Variants in KIF23 observed in about 807,000 individuals in gnomAD.
The protein encoded by KIF23 is kinesin family member 23.
In KIF23, 30 loss-of-function variants were observed where a neutral mutation model predicts 137.5. The observed-to-expected ratio is 0.22, with a 90% CI of 0.16 to 0.30. The LOEUF (loss-of-function observed/expected upper bound fraction) is 0.30, where lower values mean the gene tolerates loss of function less well. KIF23 is among the 10% of genes least tolerant of loss of function. The probability of loss-of-function intolerance (pLI) is 1.00; values close to 1 mark genes in which losing one functional copy is unlikely to be tolerated. For synonymous variants in KIF23, 367 were observed against 391.1 expected (o/e 0.94, Z 0.73); for missense variants, 920 against 1,194.3 (o/e 0.77, Z 3.38).
intron 3 of KIF23, among the ~76,000 whole-genome samples, chr15:69,420,834 G>A (rs1012945114): frequency 2.6e-5 from 4 of 152,112 alleles, no homozygotes; most frequent in African/African-American, 9.6e-5. Context: ...GCCCAGGCTG[G>A]TCTCTTAACT....
chr15:69,436,688 A>G lies in KIF23; in HGVS notation c.1563A>G (p.Leu521=), dbSNP rs763209852. 1.9e-6 allele frequency: 3 copies of G among 1,600,872 alleles called. No individual in the cohort carries two copies. Among genetic ancestry groups the G allele is most frequent in the Non-Finnish European group, 2.6e-6 (3 of 1,171,964 alleles). The change falls in exon 15 of 24, where the codon TTA becomes TTG. Residue 521 remains leucine, a synonymous_variant. Transcript: ENST00000679126. ...LIEALEKRHN[L]RQMMIDEFNK... ...AAGCCTTAGAGAAACGACATAACTTACGACAAATGATGATTGATGAGTTTA... is the reference window on the plus strand; with the variant it reads ...AAGCCTTAGAGAAACGACATAACTTGCGACAAATGATGATTGATGAGTTTA...
intron 18 of KIF23, 126 bp downstream of exon 18, chr15:69,440,613 T>G: frequency 8.5e-7 from 1 of 1,176,970 alleles, no homozygotes; most frequent in East Asian, 2.6e-5. Flanking sequence ...TAAAAATATT[T>G]TAAAATTTAG....
chr15:69,424,604 C>T (rs2057142868), intron 7 of KIF23, among the ~76,000 whole-genome samples: 1 of 152,168 alleles, frequency 6.6e-6, no homozygotes, highest in African/African-American at 2.4e-5. Context: ...TTCAGGTGAT[C>T]CTCCCGCCTT....
chr15:69,416,265 C>T (rs1436792142), intron 2 of KIF23, among the ~76,000 whole-genome samples: 1 of 152,050 alleles, frequency 6.6e-6, no homozygotes, highest in African/African-American at 2.4e-5. Flanking sequence ...TAAATTAGTC[C>T]AGTAAAATGA....
intron 19 of KIF23, among the ~76,000 whole-genome samples, chr15:69,442,075 C>T (rs1166295747): frequency 1.3e-5 from 2 of 152,054 alleles, no homozygotes; most frequent in Non-Finnish European, 2.9e-5. Flanking sequence ...TTTTTCAATC[C>T]ATGATACTAT....
intron 2 of KIF23, 118 bp from the exon 3 acceptor site, chr15:69,417,265 A>C: frequency 1.1e-6 from 1 of 916,214 alleles, no homozygotes; most frequent in South Asian, 2.4e-5. Flanking sequence ...TTGGAGATAC[A>C]GAGCTCTTAA....
Position 69,438,276 on chromosome 15 carries a change from A to G in KIF23, c.1626A>G (p.Glu542=). Residue 542 remains glutamate, a synonymous_variant, in exon 16 of 24, where the codon GAA becomes GAG. Coordinates refer to ENST00000679126, the MANE Select transcript of KIF23 (RefSeq NM_001367805.3). ...QSNAFKALLQ[E]FDNAVLSKEN... is the part of the protein sequence containing the mutation. ...ATGCTTTTAAAGCTTTGTTACAAGA[A>G]TTTGACAATGCTGTTTTAAGTAAAG... The G allele has an allele frequency of 6.2e-7, 1 of 1,608,224 alleles. No homozygotes were observed. Among genetic ancestry groups the G allele is most frequent in the South Asian group, 1.1e-5 (1 of 89,470 alleles).
intron 3 of KIF23, among the ~76,000 whole-genome samples, chr15:69,418,134 A>G (rs903671182): frequency 4.6e-5 from 7 of 152,186 alleles, no homozygotes; most frequent in African/African-American, 1.7e-4. Flanking sequence ...TCAGGCTACC[A>G]TTTCTACTTC....
chr15:69,428,230 G>A (rs916362706), intron 10 of KIF23, among the ~76,000 whole-genome samples: 7 of 151,894 alleles, frequency 4.6e-5, no homozygotes, highest in African/African-American at 1.7e-4. Flanking sequence ...ACTCCAGCCT[G>A]GCGACAGAGT....
In KIF23 at chr15:69,423,145, T is replaced by G. The variant is rs1567060786; in HGVS notation, c.564-14T>G. The G allele has an allele frequency of 1.4e-6, 2 of 1,463,728 alleles. No individual in the cohort carries two copies. The highest frequency in any genetic ancestry group is 1.9e-6 in the Non-Finnish European group (2 of 1,067,846). 90.7% of individuals were successfully genotyped at this position (1,463,728 alleles called of 1,614,324 possible). A position where few individuals can be genotyped will look rare whatever the true frequency, so the allele number is the denominator to read the frequency against. On this transcript the variant is annotated splice_polypyrimidine_tract_variant and intron_variant, in intron 6 of 23. Transcript: ENST00000679126. ...GGACTTATAACGTATACAATTGAAC[T>G]TTTCTTTTTTTAGACGACAAGTAGA...
At chr15:69,440,665 A>G in intron 18 of KIF23, 103 bp from the exon 19 acceptor site, 1 of 1,137,594 alleles carries the variant, frequency 8.8e-7, no homozygotes, top group Non-Finnish European at 1.2e-6. Context: ...ACAAATAATT[A>G]TTTGTAATGT....
chr15:69,419,136 G>C (rs1567057162), intron 3 of KIF23, among the ~76,000 whole-genome samples: 2 of 151,688 alleles, frequency 1.3e-5, no homozygotes, highest in African/African-American at 4.9e-5. Flanking sequence ...AACAAACAAA[G>C]AAACAAACAA....
At chr15:69,428,180 G>A (rs1458290818) in intron 10 of KIF23, among the ~76,000 whole-genome samples, 2 of 152,006 alleles carry the variant, frequency 1.3e-5, no homozygotes, top group African/African-American at 2.4e-5. Context: ...GTTTGAACCA[G>A]GGAGGTGGAG....
At chr15:69,418,273 C>T (rs1228894118) in intron 3 of KIF23, among the ~76,000 whole-genome samples, 2 of 152,150 alleles carry the variant, frequency 1.3e-5, no homozygotes, top group Non-Finnish European at 2.9e-5. Flanking sequence ...TTGTCAGCAG[C>T]ACTCTCCTGT....
Position 69,421,633 on chromosome 15 carries a change from T to C in KIF23, c.211-14T>C. Reference sequence around the variant, plus strand: ...GTGGAATTCTATTTAGTGCATTTTTTTCTCTCTCCACAGACTCAGTATTCA... The same window carrying C: ...GTGGAATTCTATTTAGTGCATTTTTCTCTCTCTCCACAGACTCAGTATTCA... On this transcript the variant is annotated splice_polypyrimidine_tract_variant and intron_variant, in intron 3 of 23. Transcript: ENST00000679126. 3 of 1,527,134 alleles carry C rather than the reference T, an allele frequency of 2.0e-6. No individual in the cohort carries two copies. Among genetic ancestry groups the C allele is most frequent in the Non-Finnish European group, 2.7e-6 (3 of 1,102,678 alleles). The allele number at this position is 1,527,134 out of a possible 1,614,324, so 94.6% of individuals were successfully genotyped here. A position where few individuals can be genotyped will look rare whatever the true frequency, so the allele number is the denominator to read the frequency against.
At chr15:69,434,266 T>C (rs1384972546) in intron 11 of KIF23, among the ~76,000 whole-genome samples, 1 of 152,268 alleles carries the variant, frequency 6.6e-6, no homozygotes, top group East Asian at 1.9e-4. Flanking sequence ...CCAGAAGTAC[T>C]TTACTTTGGC....
chr15:69,422,071 T>G lies in KIF23; in HGVS notation c.396T>G (p.Leu132=). ...MTGSPGEGGL[L]PRCLDMIFNS... Reference sequence around the variant, plus strand: ...GTTCTCCAGGGGAAGGAGGGCTGCTTCCTCGTTGTTTGGACATGATCTTTA... The same window carrying G: ...GTTCTCCAGGGGAAGGAGGGCTGCTGCCTCGTTGTTTGGACATGATCTTTA... The change falls in exon 5 of 24, where the codon CTT becomes CTG. Residue 132 remains leucine, a synonymous_variant. Coordinates refer to ENST00000679126, the MANE Select transcript of KIF23 (RefSeq NM_001367805.3). 17 of 1,614,134 alleles carry G rather than the reference T, an allele frequency of 1.1e-5. No homozygotes were observed. The highest frequency in any genetic ancestry group is 1.7e-5 in the Admixed American group (1 of 60,022).
intron 11 of KIF23, among the ~76,000 whole-genome samples, chr15:69,431,157 T>C (rs553438678): frequency 2.8e-4 from 42 of 152,232 alleles, no homozygotes; most frequent in African/African-American, 1.0e-3. Context: ...AGGTGTTTGA[T>C]TGAGGAGAAG....
chr15:69,428,387 GGC>G (rs2057259619), intron 10 of KIF23, among the ~76,000 whole-genome samples: 1 of 151,842 alleles, frequency 6.6e-6, no homozygotes, highest in Admixed American at 6.6e-5. Context: ...TGGGCGTGGT[GGC>G]TCACCCCTGT....
Sources: allele counts gnomAD v4.1 joint callset (sites outside exome capture counted in the v4.1 genomes callset), GRCh38; gene constraint gnomAD v4.1.1; transcripts MANE v1.5; gene names NCBI Gene and HGNC (gene_info 2026-07-23, HGNC 2026-07-21).